Variants in CADM2 observed in about 807,000 individuals in gnomAD.
The protein encoded by CADM2 is immunoglobulin superfamily member 4D.
A neutral mutation model predicts 49.8 loss-of-function variants in CADM2; 12 were observed. The observed-to-expected ratio is 0.24, with a 90% CI of 0.15 to 0.39. The LOEUF (loss-of-function observed/expected upper bound fraction) is 0.39. Among genes scored for constraint, CADM2 ranks in the 10% least tolerant of loss-of-function variants. CADM2 has a pLI of 1.00. For synonymous variants in CADM2, 214 were observed against 175.4 expected (o/e 1.22, Z -1.74); for missense variants, 378 against 492.3 (o/e 0.77, Z 2.20).
chr3:85,817,774 C>G (rs2108164919), intron 3 of CADM2, among the ~76,000 whole-genome samples: 1 of 152,176 alleles, frequency 6.6e-6, no homozygotes, highest in East Asian at 1.9e-4. Flanking sequence ...GACTGCACCA[C>G]TGCACTCCAG....
chr3:85,982,523 C>T (rs1727602736), intron 8 of CADM2, among the ~76,000 whole-genome samples: 2 of 151,450 alleles, frequency 1.3e-5, no homozygotes, highest in South Asian at 2.1e-4. Context: ...TTAATGTTAG[C>T]CTAACGCCCA....
chr3:84,995,243 T>A (rs543283196), intron 1 of CADM2, among the ~76,000 whole-genome samples: 1 of 152,308 alleles, frequency 6.6e-6, no homozygotes, highest in East Asian at 1.9e-4. Context: ...TTCATGCTAA[T>A]ATAATTCAAA....
At chr3:85,818,426 T>A (rs2073352067) in intron 3 of CADM2, among the ~76,000 whole-genome samples, 1 of 152,174 alleles carries the variant, frequency 6.6e-6, no homozygotes, top group Non-Finnish European at 1.5e-5. Flanking sequence ...TGCTTGACAC[T>A]GGCAGCTACT....
chr3:85,769,939 T>C (rs1237013357), intron 2 of CADM2, among the ~76,000 whole-genome samples: 2 of 151,932 alleles, frequency 1.3e-5, no homozygotes, highest in African/African-American at 4.8e-5. Flanking sequence ...CAAATAAAAA[T>C]ATGTGTTCAA....
chr3:85,271,183 G>A (rs578241003), intron 1 of CADM2, among the ~76,000 whole-genome samples: 5 of 151,370 alleles, frequency 3.3e-5, no homozygotes, highest in Non-Finnish European at 7.4e-5. Flanking sequence ...ATATGTAAGA[G>A]TGAATTCAAT....
At chr3:85,173,161 A>T (rs1374108957) in intron 1 of CADM2, among the ~76,000 whole-genome samples, 1 of 151,102 alleles carries the variant, frequency 6.6e-6, no homozygotes, top group Non-Finnish European at 1.5e-5. Flanking sequence ...TGCCTGGCTA[A>T]TTTTTTGTCT....
intron 1 of CADM2, among the ~76,000 whole-genome samples, chr3:84,964,924 T>C (rs2030858865): frequency 6.6e-6 from 1 of 152,318 alleles, no homozygotes; most frequent in Non-Finnish European, 1.5e-5. Context: ...GTAAGCTATA[T>C]TGGTTTATGA....
In CADM2 at chr3:85,734,978, ATG is replaced by A. The variant is rs142565193; in HGVS notation, c.88+8450_88+8451del. Among the ~76,000 whole-genome samples the A allele has an allele frequency of 3.5e-3, 523 of 148,300 alleles. 4 individuals are homozygous for A. Among genetic ancestry groups the A allele is most frequent in the Admixed American group, 6.6e-3 (98 of 14,762 alleles). ...AAATGTAGCAACTAGAAATATATAT[ATG>A]TGTGTGTGTGTGTGTGTGTATGTGT... On this transcript the variant is annotated intron_variant, in intron 2 of 9. Coordinates refer to ENST00000383699, the MANE Select transcript of CADM2 (RefSeq NM_001167675.2).
intron 2 of CADM2, among the ~76,000 whole-genome samples, chr3:85,784,558 CTATCTA>C: frequency 6.6e-6 from 1 of 150,680 alleles, no homozygotes; most frequent in Middle Eastern, 3.4e-3. Flanking sequence ...ATCTATCTAT[CTATCTA>C]TCTATCTATC....
intron 1 of CADM2, among the ~76,000 whole-genome samples, chr3:85,655,417 C>A (rs2065166787): frequency 6.6e-6 from 1 of 152,118 alleles, no homozygotes; most frequent in East Asian, 1.9e-4. Context: ...CCTCAACCTC[C>A]CAAAGTGCTG....
intron 1 of CADM2, among the ~76,000 whole-genome samples, chr3:85,462,098 T>C (rs1334208952): frequency 6.6e-6 from 1 of 152,122 alleles, no homozygotes; most frequent in Non-Finnish European, 1.5e-5. Flanking sequence ...ACTCCCTTTG[T>C]TCTAATTCTG....
chr3:85,283,080 A>G (rs928871518), intron 1 of CADM2, among the ~76,000 whole-genome samples: 4 of 152,088 alleles, frequency 2.6e-5, no homozygotes, highest in South Asian at 2.1e-4. Flanking sequence ...GAATTTGTAT[A>G]TTGAGATGTA....
At chr3:85,841,059 C>A (rs1007934264) in intron 3 of CADM2, among the ~76,000 whole-genome samples, 2 of 151,358 alleles carry the variant, frequency 1.3e-5, no homozygotes, top group South Asian at 2.1e-4. Flanking sequence ...ATATAATAAT[C>A]AATATTACAG....
intron 1 of CADM2, among the ~76,000 whole-genome samples, chr3:85,451,842 G>A (rs2037761105): frequency 6.6e-6 from 1 of 152,094 alleles, no homozygotes; most frequent in Non-Finnish European, 1.5e-5. Context: ...CTATTATCGT[G>A]AAGTGTCATT....
chr3:85,456,358 A>G (rs927178983), intron 1 of CADM2, among the ~76,000 whole-genome samples: 1 of 152,168 alleles, frequency 6.6e-6, no homozygotes, highest in Non-Finnish European at 1.5e-5. Flanking sequence ...CAGACCACAC[A>G]ATACTATAGC....
intron 1 of CADM2, among the ~76,000 whole-genome samples, chr3:85,679,332 G>T (rs1163355900): frequency 6.6e-6 from 1 of 152,088 alleles, no homozygotes; most frequent in African/African-American, 2.4e-5. Flanking sequence ...CACATTTGGA[G>T]AGTAGGATAA....
intron 1 of CADM2, among the ~76,000 whole-genome samples, chr3:85,171,380 G>A (rs1378955053): frequency 6.6e-6 from 1 of 152,022 alleles, no homozygotes; most frequent in Non-Finnish European, 1.5e-5. Flanking sequence ...ATCTTTAAAA[G>A]TTCTTATTAT....
intron 1 of CADM2, among the ~76,000 whole-genome samples, chr3:85,338,910 G>T (rs1365375650): frequency 6.6e-6 from 1 of 151,432 alleles, no homozygotes; most frequent in Non-Finnish European, 1.5e-5. Context: ...CAGAAAGTTA[G>T]CAAAAGTGGA....
intron 1 of CADM2, among the ~76,000 whole-genome samples, chr3:85,660,980 C>A (rs2065385141): frequency 6.6e-6 from 1 of 151,072 alleles, no homozygotes; most frequent in African/African-American, 2.4e-5. Context: ...TGAGCAAAGA[C>A]CACTTTCAGA....
Sources: allele counts gnomAD v4.1 joint callset (sites outside exome capture counted in the v4.1 genomes callset), GRCh38; gene constraint gnomAD v4.1.1; transcripts MANE v1.5; gene names NCBI Gene and HGNC (gene_info 2026-07-23, HGNC 2026-07-21).